STPG2: variants seen among roughly 807,000 people sequenced by gnomAD.
STPG2 encodes sperm tail PG-rich repeat containing 2, also known as sperm-tail PG-rich repeat-containing protein 2.
STPG2 carries 56 observed loss-of-function variants against 54.2 expected under a neutral mutation model. That is an observed-to-expected ratio of 1.03 (90% CI 0.83 to 1.29). The LOEUF (loss-of-function observed/expected upper bound fraction) is 1.29. Among genes scored for constraint, STPG2 ranks in the 50% most tolerant of loss-of-function variants. The probability of loss-of-function intolerance (pLI) is 0.00; values close to 1 mark genes in which losing one functional copy is unlikely to be tolerated. For missense variants in STPG2, 596 were observed against 544.9 expected, an observed-to-expected ratio of 1.09 and a Z score of -0.93; for synonymous variants, 200 against 181.8, an observed-to-expected ratio of 1.10 and a Z score of -0.81.
At chr4:97,565,562 G>GT (rs961302422) in intron 10 of STPG2, among the ~76,000 whole-genome samples, 1 of 152,120 alleles carries the variant, frequency 6.6e-6, no homozygotes, top group African/African-American at 2.4e-5. Context: ...CGTCTTTGTG[G>GT]TTTTATCTAC....
At chr4:98,121,147 T>C (rs564961822) in intron 3 of STPG2, among the ~76,000 whole-genome samples, 1 of 152,344 alleles carries the variant, frequency 6.6e-6, no homozygotes, top group South Asian at 2.1e-4. Flanking sequence ...CACAATTTAT[T>C]AAATAGGGAA....
chr4:97,672,166 CTTTTTTTTTTTTTT>C (rs70953079), intron 10 of STPG2, among the ~76,000 whole-genome samples: 1 of 80,686 alleles, frequency 1.2e-5, no homozygotes, highest in Non-Finnish European at 2.3e-5. Context: ...ACTGGTAATT[CTTTTTTTTTTTTTT>C]TTTTTTTTTT....
chr4:98,126,679 C>A (rs964475181), intron 3 of STPG2, among the ~76,000 whole-genome samples: 2 of 152,178 alleles, frequency 1.3e-5, no homozygotes, highest in Non-Finnish European at 2.9e-5. Flanking sequence ...ACCACAGCTG[C>A]TTCTAATTGG....
intron 4 of STPG2, among the ~76,000 whole-genome samples, chr4:98,108,455 T>C (rs1275485287): frequency 2.6e-5 from 4 of 152,186 alleles, no homozygotes; most frequent in Admixed American, 1.3e-4. Flanking sequence ...AAAATAGAGT[T>C]ATTTTGCCAG....
Position 97,981,192 on chromosome 4 carries a change from A to C in STPG2, c.739T>G (p.Phe247Val), listed in dbSNP as rs1734662230. 1.2e-6 allele frequency: 2 copies of C among 1,614,022 alleles called. No individual in the cohort carries two copies. Among genetic ancestry groups the C allele is most frequent in the Non-Finnish European group, 1.7e-6 (2 of 1,179,954 alleles). Residue 247 changes from phenylalanine to valine, a missense_variant, in exon 6 of 11, where the codon TTC becomes GTC. Coordinates refer to ENST00000295268, the MANE Select transcript of STPG2 (RefSeq NM_174952.3). The stretch of plus-strand genomic sequence containing the variant: ...TCCTCTGTCCTGATGTCCTGTGTGA[A>C]TCGAACAGCACTTTGACCAAATGGA... ...NIPFGQSAVR[F>V]TQDIRTEEMP... is the part of the protein sequence containing the mutation.
intron 4 of STPG2, among the ~76,000 whole-genome samples, chr4:97,474,019 T>C (rs914983184): frequency 2.0e-5 from 3 of 152,208 alleles, no homozygotes; most frequent in East Asian, 1.9e-4. Flanking sequence ...ATACATGTCA[T>C]TATACATTTG....
At chr4:98,054,341 A>T (rs1483596401) in intron 5 of STPG2, among the ~76,000 whole-genome samples, 2 of 152,182 alleles carry the variant, frequency 1.3e-5, no homozygotes, top group Non-Finnish European at 2.9e-5. Context: ...ACTCCAAAGA[A>T]TCAAAATACA....
At chr4:97,697,350 T>C (rs1335213598) in intron 10 of STPG2, among the ~76,000 whole-genome samples, 1 of 152,162 alleles carries the variant, frequency 6.6e-6, no homozygotes, top group Non-Finnish European at 1.5e-5. Flanking sequence ...AAAGAACAAA[T>C]ATTAAAAGCA....
intron 8 of STPG2, among the ~76,000 whole-genome samples, chr4:97,881,057 C>A (rs1296054371): frequency 2.0e-5 from 3 of 150,954 alleles, no homozygotes; most frequent in Admixed American, 6.6e-5. Flanking sequence ...ACAAAGAAGG[C>A]CCAGGAAATA....
chr4:97,506,195 T>C (rs1730841059), intron 4 of STPG2, among the ~76,000 whole-genome samples: 1 of 151,888 alleles, frequency 6.6e-6, no homozygotes, highest in Non-Finnish European at 1.5e-5. Flanking sequence ...CTGCCTACAA[T>C]AGAACAGTGT....
intron 9 of STPG2, among the ~76,000 whole-genome samples, chr4:97,823,665 T>C (rs1728159491): frequency 6.6e-6 from 1 of 152,186 alleles, no homozygotes; most frequent in African/African-American, 2.4e-5. Context: ...GACCCCTTTC[T>C]GGTAATATCT....
At chr4:97,885,569 T>C (rs1730531646) in intron 8 of STPG2, among the ~76,000 whole-genome samples, 1 of 152,192 alleles carries the variant, frequency 6.6e-6, no homozygotes, top group African/African-American at 2.4e-5. Context: ...TAGCATAATA[T>C]ATAAATGAAC....
chr4:98,012,944 C>A (rs921599669), intron 5 of STPG2, among the ~76,000 whole-genome samples: 8 of 152,306 alleles, frequency 5.3e-5, no homozygotes, highest in African/African-American at 1.9e-4. Flanking sequence ...CTCTTTAATT[C>A]TTTCTCTTGC....
At chr4:97,858,275 C>G (rs1343773022) in intron 8 of STPG2, among the ~76,000 whole-genome samples, 1 of 151,620 alleles carries the variant, frequency 6.6e-6, no homozygotes, top group Non-Finnish European at 1.5e-5. Context: ...TGTCAAGGAT[C>G]AAGAAAGAAC....
rs780763078 is a variant in STPG2 at position 97,972,439 on chromosome 4, A to G, written c.774T>C (p.Gly258=). 2 of 1,493,876 alleles carry G rather than the reference A, an allele frequency of 1.3e-6. No homozygotes were observed. Among genetic ancestry groups the G allele is most frequent in the South Asian group, 2.7e-5 (2 of 73,688 alleles). The allele number at this position is 1,493,876 out of a possible 1,614,324, so 92.5% of individuals were successfully genotyped here. A position where few individuals can be genotyped will look rare whatever the true frequency, so the allele number is the denominator to read the frequency against. ...TQDIRTEEMP[G]PGFYNVLNNT... ...TGTTCAAGACATTATAAAATCCAGG[A>G]CCTAAAATTATTAGAAGTATCATAT... The change falls in exon 7 of 11, where the codon GGT becomes GGC. Residue 258 remains glycine (G), a splice_region_variant and synonymous_variant. Coordinates refer to ENST00000295268, the MANE Select transcript of STPG2 (RefSeq NM_174952.3).
intron 10 of STPG2, among the ~76,000 whole-genome samples, chr4:97,605,504 A>G (rs1733571030): frequency 6.6e-6 from 1 of 151,780 alleles, no homozygotes; most frequent in Admixed American, 6.6e-5. Context: ...CATGGTTTTA[A>G]GACCTGCACT....
rs182017361 is a variant in STPG2, at chr4:97,456,886, C to T, written c.462+255813G>A. ...CTCCAGCCTGGGTAACAGAGTGCTC[C>T]GTCTCAAAAAAAAAAAAAAGAAAAT... On this transcript the variant is annotated intron_variant, in intron 4 of 4. Coordinates refer to the STPG2 transcript ENST00000522676. Among the ~76,000 whole-genome samples, 722 of 91,530 alleles carry T rather than the reference C, an allele frequency of 7.9e-3. 9 individuals carry two copies. Among genetic ancestry groups the T allele is most frequent in the African/African-American group, 0.052 (251 of 4,848 alleles). The allele number at this position is 91,530 out of a possible 152,430, so 60.0% of individuals were successfully genotyped here. A position where few individuals can be genotyped will look rare whatever the true frequency, so the allele number is the denominator to read the frequency against.
At chr4:97,738,828 C>T (rs1725116277) in intron 9 of STPG2, among the ~76,000 whole-genome samples, 1 of 151,976 alleles carries the variant, frequency 6.6e-6, no homozygotes, top group South Asian at 2.1e-4. Flanking sequence ...ACAAGGATAC[C>T]CAGGAATTGA....
At chr4:97,679,508 T>G (rs1413286667) in intron 10 of STPG2, among the ~76,000 whole-genome samples, 2 of 151,816 alleles carry the variant, frequency 1.3e-5, no homozygotes, top group African/African-American at 4.8e-5. Flanking sequence ...TTGAGTTCAT[T>G]GTAGATTCTG....
Sources: gnomAD v4.1 joint callset for allele counts (sites outside exome capture counted in the v4.1 genomes callset) on GRCh38, gnomAD v4.1.1 for gene constraint, MANE v1.5 for transcripts, NCBI Gene and HGNC (gene_info 2026-07-23, HGNC 2026-07-21) for gene names.